Variants in KCNAB1 observed in about 807,000 individuals in gnomAD.
KCNAB1 encodes voltage-gated potassium channel subunit beta-1.
KCNAB1 carries 35 observed loss-of-function variants against 64.6 expected under a neutral mutation model. The ratio of observed to expected loss-of-function variants is 0.54; its 90% CI spans 0.41 to 0.72. The LOEUF is 0.72. Among genes scored for constraint, KCNAB1 ranks in the 30% least tolerant of loss-of-function variants. KCNAB1 has a pLI of 0.00. For synonymous variants in KCNAB1, 177 were observed against 183.8 expected (o/e 0.96, Z 0.30); for missense variants, 401 against 512.9 (o/e 0.78, Z 2.11).
chr3:156,231,496 CT>C (rs1716524760), intron 1 of KCNAB1, among the ~76,000 whole-genome samples: 2 of 124,732 alleles, frequency 1.6e-5, no homozygotes, highest in Non-Finnish European at 3.4e-5. Context: ...CTCCCCTCCC[CT>C]CCCTCCCTCC....
chr3:156,433,797 C>T (rs1443295266), intron 2 of KCNAB1, among the ~76,000 whole-genome samples: 1 of 152,172 alleles, frequency 6.6e-6, no homozygotes, highest in Non-Finnish European at 1.5e-5. Flanking sequence ...TTGTTGCTTT[C>T]CTGAACATTC....
chr3:156,275,705 T>A (rs563377146), intron 1 of KCNAB1, among the ~76,000 whole-genome samples: 1 of 152,338 alleles, frequency 6.6e-6, no homozygotes, highest in African/African-American at 2.4e-5. Flanking sequence ...TGCTCATTCA[T>A]AAGAAACAAC....
intron 1 of KCNAB1, among the ~76,000 whole-genome samples, chr3:156,302,130 A>G (rs1375665724): frequency 6.6e-6 from 1 of 152,134 alleles, no homozygotes; most frequent in Non-Finnish European, 1.5e-5. Flanking sequence ...TCTTTCCTCC[A>G]TCTTCAAAGC....
intron 1 of KCNAB1, among the ~76,000 whole-genome samples, chr3:156,123,592 T>C (rs936967112): frequency 1.3e-5 from 2 of 152,250 alleles, no homozygotes; most frequent in Non-Finnish European, 2.9e-5. Flanking sequence ...ACTCCTGCTG[T>C]ATTTACATAT....
intron 1 of KCNAB1, among the ~76,000 whole-genome samples, chr3:156,316,183 C>T (rs1277520655): frequency 1.3e-5 from 2 of 152,096 alleles, no homozygotes; most frequent in Admixed American, 6.5e-5. Context: ...TCTTATTTCC[C>T]GCATTTTATA....
chr3:156,497,379 A>C lies in KCNAB1; in HGVS notation c.659-16985A>C, dbSNP rs536598338. Among the ~76,000 whole-genome samples the C allele has an allele frequency of 7.0e-4, 107 of 152,354 alleles. 1 individual carries two copies. The highest frequency in any genetic ancestry group is 2.5e-3 in the African/African-American group (106 of 41,586). On this transcript the variant is annotated intron_variant, in intron 8 of 13. Coordinates refer to ENST00000490337, the MANE Select transcript of KCNAB1 (RefSeq NM_172160.3). ...AGCATGAAACTGGATTTACCAGCAG[A>C]AAATCTCATTAGGGTAAATATTTTT... is the stretch of plus-strand genomic sequence containing the variant.
chr3:156,339,357 C>A (rs960792467), intron 1 of KCNAB1, among the ~76,000 whole-genome samples: 1 of 152,078 alleles, frequency 6.6e-6, no homozygotes, highest in African/African-American at 2.4e-5. Context: ...GATAATAACA[C>A]CCCCCGCCAC....
chr3:156,149,051 C>G (rs767643027), intron 1 of KCNAB1, among the ~76,000 whole-genome samples: 97 of 152,180 alleles, frequency 6.4e-4, no homozygotes, highest in Admixed American at 1.2e-3. Flanking sequence ...GTGCCTAGAA[C>G]AAAAATATTT....
intron 11 of KCNAB1, among the ~76,000 whole-genome samples, chr3:156,520,416 A>G (rs1188249918): frequency 1.3e-5 from 2 of 152,122 alleles, no homozygotes; most frequent in African/African-American, 4.8e-5. Flanking sequence ...CCCCATCTCT[A>G]CAAAAATACA....
chr3:156,434,591 GA>G (rs966553856), intron 2 of KCNAB1, among the ~76,000 whole-genome samples: 26 of 148,870 alleles, frequency 1.7e-4, no homozygotes, highest in Non-Finnish European at 3.0e-4. Flanking sequence ...ATTGGGTGAG[GA>G]AAAAAAAATG....
chr3:156,278,489 T>A (rs1719485610), intron 1 of KCNAB1, among the ~76,000 whole-genome samples: 1 of 152,216 alleles, frequency 6.6e-6, no homozygotes. Flanking sequence ...ATGTGGAAGT[T>A]TTTAACACAG....
chr3:156,421,847 G>A (rs1304319168), intron 2 of KCNAB1, among the ~76,000 whole-genome samples, 188 bp downstream of exon 2: 3 of 152,110 alleles, frequency 2.0e-5, no homozygotes, highest in Admixed American at 1.3e-4. Flanking sequence ...GAGCCACCGT[G>A]TTCATGATTC....
chr3:156,488,067 A>T (rs187882819), intron 8 of KCNAB1, among the ~76,000 whole-genome samples: 26 of 152,222 alleles, frequency 1.7e-4, no homozygotes, highest in African/African-American at 6.3e-4. Flanking sequence ...AGAACATGAC[A>T]TAGTATAAAC....
intron 1 of KCNAB1, among the ~76,000 whole-genome samples, chr3:156,364,803 A>G (rs1725844349): frequency 6.6e-6 from 1 of 152,060 alleles, no homozygotes; most frequent in Admixed American, 6.5e-5. Flanking sequence ...AAACAAACAA[A>G]CAAAAAAAAC....
At chr3:156,498,804 G>C (rs1716185021) in intron 8 of KCNAB1, among the ~76,000 whole-genome samples, 1 of 152,224 alleles carries the variant, frequency 6.6e-6, no homozygotes, top group East Asian at 1.9e-4. Context: ...TGCTGCTGCA[G>C]ACAAGAGCAG....
At chr3:156,174,130 C>T (rs1712193414) in intron 1 of KCNAB1, among the ~76,000 whole-genome samples, 5 of 152,146 alleles carry the variant, frequency 3.3e-5, no homozygotes, top group Admixed American at 3.3e-4. Context: ...TTTATGTTTA[C>T]CTCCTATTAG....
chr3:156,287,014 G>A (rs1198718880), intron 1 of KCNAB1, among the ~76,000 whole-genome samples: 1 of 152,186 alleles, frequency 6.6e-6, no homozygotes, highest in Non-Finnish European at 1.5e-5. Flanking sequence ...AGGATACTGA[G>A]GCTTAGGGAG....
At chr3:156,469,165 A>G (rs1480291474) in intron 7 of KCNAB1, among the ~76,000 whole-genome samples, 3 of 150,944 alleles carry the variant, frequency 2.0e-5, no homozygotes, top group East Asian at 1.9e-4. Context: ...GTCTGCTACT[A>G]TGCTCCTCAC....
intron 1 of KCNAB1, among the ~76,000 whole-genome samples, chr3:156,298,810 AG>A: frequency 6.6e-6 from 1 of 152,352 alleles, no homozygotes; most frequent in South Asian, 2.1e-4. Flanking sequence ...CATCATAAGA[AG>A]ATTCGATATT....
Sources: allele counts gnomAD v4.1 joint callset (sites outside exome capture counted in the v4.1 genomes callset), GRCh38; gene constraint gnomAD v4.1.1; transcripts MANE v1.5; gene names NCBI Gene and HGNC (gene_info 2026-07-23, HGNC 2026-07-21).